MAP2K5: variants seen among roughly 807,000 people sequenced by gnomAD.
MAP2K5 encodes mitogen-activated protein kinase kinase 5.
Under a neutral mutation model 83.1 loss-of-function variants are expected in MAP2K5, and 49 were observed. The ratio of observed to expected loss-of-function variants is 0.59; its 90% CI spans 0.47 to 0.75. The LOEUF (loss-of-function observed/expected upper bound fraction) is 0.75. MAP2K5 is among the 30% of genes least tolerant of loss of function. The pLI is 0.00. For missense variants in MAP2K5, 457 were observed against 557.5 expected, an observed-to-expected ratio of 0.82 and a Z score of 1.82; for synonymous variants, 202 against 191.8, an observed-to-expected ratio of 1.05 and a Z score of -0.44.
At position 67,560,484 on chromosome 15, in the gene MAP2K5, G is replaced by A. The variant is rs183253833; in HGVS notation, c.185-2799G>A. 3.4e-3 allele frequency among the ~76,000 whole-genome samples: 522 copies of A among 152,358 alleles called. 3 individuals are homozygous for A. The highest frequency in any genetic ancestry group is 5.2e-3 in the Non-Finnish European group (351 of 68,038). On this transcript the variant is annotated intron_variant, in intron 2 of 21. Transcript: ENST00000178640. ...ATTAACCCACAACAACTATTCATCA[G>A]TATGCCATATAAGCCTGATTTTATC... is the stretch of plus-strand genomic sequence containing the variant.
In MAP2K5 at chr15:67,665,697, A is replaced by G. The variant is rs942868479; in HGVS notation, c.847+1052A>G. On this transcript the variant is annotated intron_variant, in intron 13 of 21. Coordinates refer to ENST00000178640, the MANE Select transcript of MAP2K5 (RefSeq NM_145160.3). This position sits in a 1 kb window ranked among gnomAD's most constrained non-coding sequence, Gnocchi z 4.2. ...ATAGTCAGGTTTTTGAAGGTATTTA[A>G]CTGACTAAATGGAATCATAAACTAG... Among the ~76,000 whole-genome samples the G allele has an allele frequency of 6.6e-6, 1 of 152,164 alleles. No individual in the cohort carries two copies. The highest frequency in any genetic ancestry group is 1.5e-5 in the Non-Finnish European group (1 of 68,016).
At chr15:67,701,081 C>T (rs1459221629) in intron 15 of MAP2K5, among the ~76,000 whole-genome samples, 3 of 151,658 alleles carry the variant, frequency 2.0e-5, no homozygotes, top group South Asian at 2.1e-4. Flanking sequence ...TGTGTGTGTG[C>T]GTGTTTTTTC....
chr15:67,663,188 A>G (rs146032543), intron 12 of MAP2K5, among the ~76,000 whole-genome samples: 127 of 152,322 alleles, frequency 8.3e-4, no homozygotes, highest in African/African-American at 3.0e-3. Context: ...ATAATCACTG[A>G]TTAAAATCAG....
chr15:67,703,603 T>C lies in MAP2K5; in HGVS notation c.1044+195T>C, dbSNP rs142101193. Among the ~76,000 whole-genome samples the C allele has an allele frequency of 1.3e-4, 20 of 152,336 alleles. No homozygotes were observed. In the South Asian group the frequency reaches 3.7e-3, roughly 28 times the overall value. Reference sequence around the variant, plus strand: ...CTCTGGAGGTTATTTTAAAGCACTGTTTATTACAGATCACCTGTGTAAGAC... The same window carrying C: ...CTCTGGAGGTTATTTTAAAGCACTGCTTATTACAGATCACCTGTGTAAGAC... On this transcript the variant is annotated intron_variant, in intron 16 of 21. Coordinates refer to ENST00000178640, the MANE Select transcript of MAP2K5 (RefSeq NM_145160.3).
intron 17 of MAP2K5, among the ~76,000 whole-genome samples, chr15:67,740,246 A>G (rs890951725): frequency 3.9e-5 from 6 of 152,204 alleles, no homozygotes; most frequent in African/African-American, 1.2e-4. Flanking sequence ...CTTAATAAAC[A>G]TATATGAAAT....
intron 8 of MAP2K5, among the ~76,000 whole-genome samples, chr15:67,616,907 G>A (rs2086068215): frequency 1.3e-5 from 2 of 152,140 alleles, no homozygotes; most frequent in Non-Finnish European, 2.9e-5. Flanking sequence ...CAGAGTAATT[G>A]TGTCCCTCTT....
At chr15:67,602,321 C>T (rs1460854607) in intron 8 of MAP2K5, among the ~76,000 whole-genome samples, 1 of 152,206 alleles carries the variant, frequency 6.6e-6, no homozygotes, top group African/African-American at 2.4e-5. Context: ...CTGGAGGGAG[C>T]ACTTTTCAAA....
intron 17 of MAP2K5, among the ~76,000 whole-genome samples, chr15:67,743,761 C>A (rs2089544904): frequency 6.6e-6 from 1 of 152,202 alleles, no homozygotes; most frequent in Non-Finnish European, 1.5e-5. Flanking sequence ...AGATTGATTG[C>A]TGGTACCTAC....
chr15:67,594,922 G>A (rs1031330301), intron 7 of MAP2K5, among the ~76,000 whole-genome samples: 1 of 152,174 alleles, frequency 6.6e-6, no homozygotes, highest in Non-Finnish European at 1.5e-5. Flanking sequence ...TTGCATTGCA[G>A]TGAGGTACTG....
intron 16 of MAP2K5, among the ~76,000 whole-genome samples, chr15:67,703,963 G>A (rs2088487248): frequency 6.6e-6 from 1 of 152,198 alleles, no homozygotes; most frequent in Non-Finnish European, 1.5e-5. Context: ...GGTGTGATAT[G>A]ATGGAGAGGG....
At chr15:67,583,434 T>C (rs1475540406) in intron 4 of MAP2K5, among the ~76,000 whole-genome samples, 3 of 152,198 alleles carry the variant, frequency 2.0e-5, no homozygotes, top group Non-Finnish European at 4.4e-5. Context: ...AAGCCAAATT[T>C]AAATATTTCA....
intron 15 of MAP2K5, among the ~76,000 whole-genome samples, chr15:67,695,185 A>G (rs2088220033): frequency 1.3e-5 from 2 of 151,968 alleles, no homozygotes; most frequent in African/African-American, 4.8e-5. Context: ...GGTGCAGTGC[A>G]CCAGCATGGC....
intron 21 of MAP2K5, among the ~76,000 whole-genome samples, chr15:67,797,149 G>A (rs1030184124): frequency 1.1e-4 from 16 of 152,172 alleles, no homozygotes; most frequent in Admixed American, 3.9e-4. Context: ...GGGTTTTAGA[G>A]TTTCTGATCA....
At chr15:67,789,078 G>A (rs2090468927) in intron 21 of MAP2K5, among the ~76,000 whole-genome samples, 1 of 151,634 alleles carries the variant, frequency 6.6e-6, no homozygotes, top group Non-Finnish European at 1.5e-5. Context: ...GATAAGCATT[G>A]TTAATAGTAG....
intron 16 of MAP2K5, among the ~76,000 whole-genome samples, chr15:67,716,748 C>G (rs2088835623): frequency 6.6e-6 from 1 of 152,148 alleles, no homozygotes; most frequent in Non-Finnish European, 1.5e-5. Context: ...GCTCTTTCCT[C>G]TCTTCCAAGC....
chr15:67,796,111 TG>T (rs2090600271), intron 21 of MAP2K5, among the ~76,000 whole-genome samples: 1 of 152,264 alleles, frequency 6.6e-6, no homozygotes, highest in South Asian at 2.1e-4. Flanking sequence ...TTGTTGTTGA[TG>T]TTTTAAATTT....
intron 9 of MAP2K5, chr15:67,642,601 A>G (rs1045701337): frequency 2.7e-6 from 2 of 745,230 alleles, no homozygotes; most frequent in Non-Finnish European, 4.9e-6. Flanking sequence ...CACCCCAAGT[A>G]CAGGAAACAG....
intron 17 of MAP2K5, among the ~76,000 whole-genome samples, chr15:67,728,362 A>G (rs2089147914): frequency 6.6e-6 from 1 of 152,134 alleles, no homozygotes; most frequent in South Asian, 2.1e-4. Flanking sequence ...TGCTAGGCAA[A>G]TATATAGGCC....
chr15:67,709,040 C>G (rs574530557), intron 16 of MAP2K5, among the ~76,000 whole-genome samples: 2 of 152,256 alleles, frequency 1.3e-5, no homozygotes, highest in African/African-American at 4.8e-5. Flanking sequence ...GATTATTCAC[C>G]TTGACTGATG....
Sources: allele counts gnomAD v4.1 joint callset (sites outside exome capture counted in the v4.1 genomes callset), GRCh38; gene constraint gnomAD v4.1.1; non-coding constraint Gnocchi (gnomAD v3.1); transcripts MANE v1.5; gene names NCBI Gene and HGNC (gene_info 2026-07-23, HGNC 2026-07-21).